The following PID1 variants were observed in gnomAD, a reference collection of about 807,000 sequenced individuals.
The protein encoded by PID1 is phosphotyrosine interaction domain containing 1.
PID1 carries 10 observed loss-of-function variants against 19.1 expected under a neutral mutation model. The observed-to-expected ratio is 0.52, with a 90% CI of 0.32 to 0.89. The LOEUF is 0.89. Ranked by LOEUF, PID1 falls within the 40% of genes least tolerant of loss-of-function variation. The probability of loss-of-function intolerance (pLI) is 0.03; values close to 1 mark genes in which losing one functional copy is unlikely to be tolerated. For synonymous variants in PID1, 130 were observed against 116.0 expected (o/e 1.12, Z -0.78); for missense variants, 248 against 285.3 (o/e 0.87, Z 0.94).
chr2:229,230,641 C>T (rs1444637649), intron 1 of PID1, among the ~76,000 whole-genome samples: 1 of 152,168 alleles, frequency 6.6e-6, no homozygotes, highest in Non-Finnish European at 1.5e-5. Flanking sequence ...TTACTGCCGC[C>T]TTTGGGTCTT....
In PID1 at chr2:229,271,188, G is replaced by T; in HGVS notation, c.-145C>A. 2 of 826,548 alleles carry T rather than the reference G, an allele frequency of 2.4e-6. No homozygotes were observed. The highest frequency in any genetic ancestry group is 3.7e-6 in the Non-Finnish European group (2 of 546,786). 51.2% of individuals were successfully genotyped at this position (826,548 alleles called of 1,614,324 possible). On this transcript the variant is annotated 5_prime_UTR_variant, in exon 1 of 3. Coordinates refer to ENST00000392055, the MANE Select transcript of PID1 (RefSeq NM_001100818.2). Reference sequence around the variant, plus strand: ...CGCTGGCCACCGCCGCCGGGTGGGCGTAGGGGGCTGCGAGCAGGAGGAGGC... The same window carrying T: ...CGCTGGCCACCGCCGCCGGGTGGGCTTAGGGGGCTGCGAGCAGGAGGAGGC...
chr2:229,172,592 C>T (rs928134597), intron 1 of PID1, among the ~76,000 whole-genome samples: 1 of 152,128 alleles, frequency 6.6e-6, no homozygotes, highest in African/African-American at 2.4e-5. Context: ...TTTCTAAGGA[C>T]AGCAGTCATA....
chr2:229,221,965 A>C (rs1691979821), intron 1 of PID1, among the ~76,000 whole-genome samples: 1 of 152,106 alleles, frequency 6.6e-6, no homozygotes, highest in Non-Finnish European at 1.5e-5. Context: ...CCATCACCAC[A>C]TTGCCATTAC....
Position 229,184,980 on chromosome 2 carries a change from A to AC in PID1, c.31-29017_31-29016insG, listed in dbSNP as rs1216452537. 1.8e-3 allele frequency among the ~76,000 whole-genome samples: 49 copies of AC among 27,458 alleles called. 4 individuals are homozygous for AC. Among genetic ancestry groups the AC allele is most frequent in the African/African-American group, 0.01 (43 of 4,100 alleles). 18.0% of individuals were successfully genotyped at this position (27,458 alleles called of 152,430 possible). On this transcript the variant is annotated intron_variant, in intron 1 of 2. Transcript: ENST00000392055. The stretch of plus-strand genomic sequence containing the variant: ...AAAATCCCATATATATACTATATAT[A>AC]TACTATATATATCCCATATATATAC...
intron 1 of PID1, among the ~76,000 whole-genome samples, chr2:229,240,248 C>T (rs112184980): frequency 1.3e-4 from 19 of 151,966 alleles, no homozygotes; most frequent in African/African-American, 4.4e-4. Flanking sequence ...TTAGTATTTC[C>T]AGACGTGTTT....
At chr2:229,259,699 C>T (rs1690406720) in intron 1 of PID1, among the ~76,000 whole-genome samples, 1 of 152,168 alleles carries the variant, frequency 6.6e-6, no homozygotes, top group African/African-American at 2.4e-5. Context: ...GTTGAAAACA[C>T]TATTATCCTT....
chr2:229,114,864 C>G (rs1319838538), intron 2 of PID1, among the ~76,000 whole-genome samples: 2 of 152,200 alleles, frequency 1.3e-5, no homozygotes, highest in Non-Finnish European at 2.9e-5. Context: ...TTTCCATACA[C>G]TTTTATTGGA....
intron 2 of PID1, among the ~76,000 whole-genome samples, chr2:229,070,275 C>T (rs1310881189): frequency 6.6e-6 from 1 of 152,146 alleles, no homozygotes; most frequent in African/African-American, 2.4e-5. Context: ...GGCTCAAATC[C>T]TAAGTGGCCA....
chr2:229,185,086 T>TATATCCTATATAC (rs1691097736), intron 1 of PID1, among the ~76,000 whole-genome samples: 1 of 147,794 alleles, frequency 6.8e-6, no homozygotes, highest in Non-Finnish European at 1.5e-5. Context: ...ATCCTACATA[T>TATATCCTATATAC]ATATCCTATA....
At chr2:229,224,066 G>C (rs1692028201) in intron 1 of PID1, among the ~76,000 whole-genome samples, 1 of 152,138 alleles carries the variant, frequency 6.6e-6, no homozygotes, top group African/African-American at 2.4e-5. Flanking sequence ...AATTCACTTA[G>C]GATAATGGCT....
chr2:229,113,186 T>C (rs1355601739), intron 2 of PID1, among the ~76,000 whole-genome samples: 3 of 152,022 alleles, frequency 2.0e-5, no homozygotes, highest in Non-Finnish European at 4.4e-5. Context: ...TTTGTATGAA[T>C]GGAGCAAGTT....
intron 2 of PID1, among the ~76,000 whole-genome samples, chr2:229,077,716 A>C (rs1559222862): frequency 6.6e-6 from 1 of 152,142 alleles, no homozygotes; most frequent in Non-Finnish European, 1.5e-5. Flanking sequence ...GTTATTTCTG[A>C]GACCTCTGTT....
At chr2:229,115,110 C>T (rs1370240999) in intron 2 of PID1, among the ~76,000 whole-genome samples, 1 of 151,970 alleles carries the variant, frequency 6.6e-6, no homozygotes, top group Non-Finnish European at 1.5e-5. Flanking sequence ...CAAGCTCAAC[C>T]AATCAACCAA....
At chr2:229,181,390 A>G (rs973911459) in intron 1 of PID1, among the ~76,000 whole-genome samples, 6 of 152,326 alleles carry the variant, frequency 3.9e-5, no homozygotes, top group African/African-American at 1.2e-4. Context: ...CTGGAAAAAA[A>G]AAAAAGATAT....
intron 2 of PID1, among the ~76,000 whole-genome samples, chr2:229,107,015 A>G (rs1482419237): frequency 7.8e-6 from 1 of 128,746 alleles, no homozygotes; most frequent in Non-Finnish European, 1.9e-5. Flanking sequence ...CTGTTTCCTT[A>G]TAAGAGACAG....
chr2:229,130,132 T>A (rs1006125316), intron 2 of PID1, among the ~76,000 whole-genome samples: 2 of 152,228 alleles, frequency 1.3e-5, no homozygotes, highest in Admixed American at 6.5e-5. Flanking sequence ...TTACACATAA[T>A]ACACTTGAAC....
rs1192259492 is a variant in PID1 at position 229,024,728 on chromosome 2, A to G, written c.*904T>C. The G allele has an allele frequency of 6.6e-6, 1 of 152,668 alleles. No individual in the cohort carries two copies. The highest frequency in any genetic ancestry group is 1.5e-5 in the Non-Finnish European group (1 of 68,046). The allele number at this position is 152,668 out of a possible 1,614,324, so 9.5% of individuals were successfully genotyped here. On this transcript the variant is annotated 3_prime_UTR_variant, in exon 3 of 3. Coordinates refer to ENST00000392055, the MANE Select transcript of PID1 (RefSeq NM_001100818.2). ...TTACCATAAATCTCAGCTGGATAAA[A>G]GGAGAGTTGACATAGAGTGTGTTCA...
intron 2 of PID1, among the ~76,000 whole-genome samples, chr2:229,037,248 A>G (rs1433425767): frequency 6.6e-6 from 1 of 152,184 alleles, no homozygotes; most frequent in Non-Finnish European, 1.5e-5. Context: ...TAGGAAATCT[A>G]TTTTTATTAT....
intron 1 of PID1, among the ~76,000 whole-genome samples, chr2:229,207,005 A>C (rs1691623793): frequency 6.6e-6 from 1 of 152,334 alleles, no homozygotes; most frequent in Non-Finnish European, 1.5e-5. Context: ...TTTGATAAGC[A>C]AGGTGGGAGA....
Sources: gnomAD v4.1 joint callset for allele counts (sites outside exome capture counted in the v4.1 genomes callset) on GRCh38, gnomAD v4.1.1 for gene constraint, MANE v1.5 for transcripts, NCBI Gene and HGNC (gene_info 2026-07-23, HGNC 2026-07-21) for gene names.